MAMDC2: variants seen among roughly 807,000 people sequenced by gnomAD.
MAMDC2 encodes MAM domain-containing protein 2.
A neutral mutation model predicts 89.8 loss-of-function variants in MAMDC2; 57 were observed. The observed-to-expected ratio is 0.63, with a 90% confidence interval of 0.51 to 0.79. The LOEUF (loss-of-function observed/expected upper bound fraction) is 0.79, where lower values mean the gene tolerates loss of function less well. MAMDC2 is among the 30% of genes least tolerant of loss of function. The pLI, the probability that MAMDC2 is intolerant of heterozygous loss-of-function variation, is 0.00. For synonymous variants in MAMDC2, 313 were observed against 293.4 expected, an observed-to-expected ratio of 1.07 and a Z score of -0.68; for missense variants, 800 against 820.6, an observed-to-expected ratio of 0.97 and a Z score of 0.31.
Position 70,226,104 on chromosome 9 carries a change from G to T in MAMDC2, c.*72G>T. ...CAATCAAAATGAAAACAAAGCAAAT[G>T]AATACTGGACAGTCTTAACAATTTT... On this transcript the variant is annotated 3_prime_UTR_variant, in exon 14 of 14. Coordinates refer to ENST00000377182, the MANE Select transcript of MAMDC2 (RefSeq NM_153267.5). The T allele has an allele frequency of 1.1e-6, 1 of 887,828 alleles. No individual in the cohort carries two copies. The highest frequency in any genetic ancestry group is 1.8e-6 in the Non-Finnish European group (1 of 570,704). 55.0% of individuals were successfully genotyped at this position (887,828 alleles called of 1,614,324 possible). A position where few individuals can be genotyped will look rare whatever the true frequency, so the allele number is the denominator to read the frequency against.
Position 70,221,368 on chromosome 9 carries a change from T to G in MAMDC2, c.1911+2772T>G, listed in dbSNP as rs1467267561. On this transcript the variant is annotated intron_variant, in intron 12 of 13. Coordinates refer to ENST00000377182, the MANE Select transcript of MAMDC2 (RefSeq NM_153267.5). ...AAGCCAAACAACAAATATATATATA[T>G]ATATATATATATAGAGAGAGAGAGA... Among the ~76,000 whole-genome samples the G allele has an allele frequency of 1.4e-3, 11 of 7,604 alleles. 1 individual carries two copies. Among genetic ancestry groups the G allele is most frequent in the African/African-American group, 3.6e-3 (10 of 2,778 alleles). 5.0% of individuals were successfully genotyped at this position (7,604 alleles called of 152,430 possible).
intron 6 of MAMDC2, 77 bp downstream of exon 6, chr9:70,126,492 G>A: frequency 1.5e-5 from 22 of 1,466,852 alleles, no homozygotes; most frequent in South Asian, 1.2e-4. Context: ...TGGAGATGGA[G>A]AGGCTGTGCA....
intron 2 of MAMDC2, chr9:70,063,096 CA>C: frequency 6.6e-6 from 1 of 152,032 alleles, no homozygotes; most frequent in Non-Finnish European, 1.5e-5. Flanking sequence ...CTGTACTATA[CA>C]TACAAAAAGC....
intron 2 of MAMDC2, 121 bp from the exon 3 acceptor site, chr9:70,108,090 G>A (rs1828389044): frequency 1.0e-6 from 1 of 1,001,004 alleles, no homozygotes. Flanking sequence ...GCAACTTTCA[G>A]TGGGTTGACA....
intron 11 of MAMDC2, among the ~76,000 whole-genome samples, chr9:70,178,288 C>G (rs2032558422): frequency 6.6e-6 from 1 of 152,174 alleles, no homozygotes; most frequent in Admixed American, 6.5e-5. Flanking sequence ...TGAGAGCCAT[C>G]TTGCTACATC....
intron 10 of MAMDC2, chr9:70,170,181 G>A: frequency 3.1e-6 from 1 of 325,304 alleles, no homozygotes; most frequent in Non-Finnish European, 5.5e-6. Context: ...ATAATTTCCA[G>A]AGCTTTATAA....
intron 2 of MAMDC2, among the ~76,000 whole-genome samples, chr9:70,080,422 C>T (rs1486999689): frequency 1.3e-5 from 2 of 152,206 alleles, no homozygotes; most frequent in Admixed American, 6.5e-5. Flanking sequence ...TCCAGGTCAA[C>T]AGCGATCTAA....
intron 8 of MAMDC2, among the ~76,000 whole-genome samples, chr9:70,141,929 G>T (rs1448547862): frequency 6.6e-6 from 1 of 152,146 alleles, no homozygotes; most frequent in African/African-American, 2.4e-5. Context: ...CTGGGACAGG[G>T]AGAACACCTT....
chr9:70,182,228 T>C (rs1473732314), intron 11 of MAMDC2, among the ~76,000 whole-genome samples: 3 of 152,200 alleles, frequency 2.0e-5, no homozygotes, highest in Admixed American at 6.5e-5. Flanking sequence ...GTGGATAAGC[T>C]TTTTGATGTG....
At chr9:70,118,581 C>T (rs182723933) in intron 5 of MAMDC2, among the ~76,000 whole-genome samples, 83 of 152,252 alleles carry the variant, frequency 5.5e-4, no homozygotes, top group African/African-American at 1.9e-3. Context: ...TTGATTTCCC[C>T]GGAGTTCTAT....
chr9:70,142,693 C>G (rs912045559), intron 8 of MAMDC2, among the ~76,000 whole-genome samples: 3 of 152,084 alleles, frequency 2.0e-5, no homozygotes, highest in Non-Finnish European at 4.4e-5. Context: ...CATATGTCCT[C>G]TTGGTGTATG....
intron 2 of MAMDC2, among the ~76,000 whole-genome samples, chr9:70,107,009 C>T (rs189951372): frequency 1.5e-4 from 23 of 152,120 alleles, no homozygotes; most frequent in Admixed American, 1.1e-3. Flanking sequence ...GATCCTTTCT[C>T]GTAAGAGTTT....
chr9:70,044,324 T>C (rs1826680564), intron 1 of MAMDC2, 93 bp downstream of exon 1: 1 of 1,412,100 alleles, frequency 7.1e-7, no homozygotes, highest in Admixed American at 1.9e-5. Context: ...CGTGCTGGGC[T>C]GGGCCATCCG....
chr9:70,140,140 C>A lies in MAMDC2; in HGVS notation c.995-5C>A. ...TGTCATTAACTTTGCTTGTCCTTTG[C>A]TCAGAACTTCTGTTCAGTGCCGTGG... On this transcript the variant is annotated splice_polypyrimidine_tract_variant and splice_region_variant and intron_variant, in intron 7 of 13. Coordinates refer to ENST00000377182, the MANE Select transcript of MAMDC2 (RefSeq NM_153267.5). 1 of 1,561,422 alleles carries A rather than the reference C, an allele frequency of 6.4e-7. No individual in the cohort carries two copies. Among genetic ancestry groups the A allele is most frequent in the African/African-American group, 1.4e-5 (1 of 71,320 alleles).
At chr9:70,070,442 TA>T (rs1827376312) in intron 2 of MAMDC2, among the ~76,000 whole-genome samples, 1 of 152,138 alleles carries the variant, frequency 6.6e-6, no homozygotes, top group Non-Finnish European at 1.5e-5. Context: ...AGAAGTAAGG[TA>T]AAAGGTAGGG....
At chr9:70,195,267 C>T (rs1052553491) in intron 11 of MAMDC2, among the ~76,000 whole-genome samples, 1 of 151,998 alleles carries the variant, frequency 6.6e-6, no homozygotes, top group Non-Finnish European at 1.5e-5. Context: ...CAAATCCAGC[C>T]GCACCACCTG....
At chr9:70,209,185 G>C (rs191867114) in intron 11 of MAMDC2, among the ~76,000 whole-genome samples, 1 of 152,132 alleles carries the variant, frequency 6.6e-6, no homozygotes, top group Non-Finnish European at 1.5e-5. Flanking sequence ...CTGTTGATTC[G>C]AATAGTTTCA....
chr9:70,221,403 AGAGAGT>A lies in MAMDC2; in HGVS notation c.1911+2808_1911+2813del, dbSNP rs1350122339. Among the ~76,000 whole-genome samples, 4 of 122,924 alleles carry A rather than the reference AGAGAGT, an allele frequency of 3.3e-5. 1 individual carries two copies. Among genetic ancestry groups the A allele is most frequent in the Admixed American group, 1.7e-4 (2 of 11,678 alleles). 80.6% of individuals were successfully genotyped at this position (122,924 alleles called of 152,430 possible). A position where few individuals can be genotyped will look rare whatever the true frequency, so the allele number is the denominator to read the frequency against. ...TATAGAGAGAGAGAGAGAGAGAGAGAGAGAGTAACATCAGATAACAAGTGCTATGAA... is the reference window on the plus strand; with the variant it reads ...TATAGAGAGAGAGAGAGAGAGAGAGAAACATCAGATAACAAGTGCTATGAA... On this transcript the variant is annotated intron_variant, in intron 12 of 13. Coordinates refer to ENST00000377182, the MANE Select transcript of MAMDC2 (RefSeq NM_153267.5).
intron 11 of MAMDC2, among the ~76,000 whole-genome samples, chr9:70,187,779 ATT>A (rs971105424): frequency 5.7e-4 from 87 of 152,252 alleles, no homozygotes; most frequent in African/African-American, 2.0e-3. Context: ...AGGTTTATAA[ATT>A]TATCAATTGA....
Sources: gnomAD v4.1 joint callset for allele counts (sites outside exome capture counted in the v4.1 genomes callset) on GRCh38, gnomAD v4.1.1 for gene constraint, MANE v1.5 for transcripts, NCBI Gene and HGNC (gene_info 2026-07-23, HGNC 2026-07-21) for gene names.